Variants in SETDB2 observed in about 807,000 individuals in gnomAD.
The protein encoded by SETDB2 is histone-lysine N-methyltransferase SETDB2.
SETDB2 carries 56 observed loss-of-function variants against 82.5 expected under a neutral mutation model. The ratio of observed to expected loss-of-function variants is 0.68; its 90% confidence interval spans 0.55 to 0.85. SETDB2 has a LOEUF of 0.85. SETDB2 is among the 40% of genes least tolerant of loss of function. The pLI is 0.00. For missense variants in SETDB2, 677 were observed against 816.4 expected (o/e 0.83, Z 2.08); for synonymous variants, 272 against 284.9 (o/e 0.95, Z 0.46).
In SETDB2 at chr13:49,492,035, A is replaced by G; in HGVS notation, c.*186A>G. On this transcript the variant is annotated 3_prime_UTR_variant, in exon 14 of 14. Transcript: ENST00000611815. ...GAACACAATTAGGATATTTTCATACACATAGGGTATCTTGTTCACTGCTGT... is the reference window on the plus strand; with the variant it reads ...GAACACAATTAGGATATTTTCATACGCATAGGGTATCTTGTTCACTGCTGT... The G allele has an allele frequency of 1.6e-6, 1 of 638,492 alleles. No homozygotes were observed. The highest frequency in any genetic ancestry group is 2.8e-6 in the Non-Finnish European group (1 of 351,232). 39.6% of individuals were successfully genotyped at this position (638,492 alleles called of 1,614,324 possible). A position where few individuals can be genotyped will look rare whatever the true frequency, so the allele number is the denominator to read the frequency against.
intron 5 of SETDB2, among the ~76,000 whole-genome samples, 185 bp from the exon 6 acceptor site, chr13:49,476,291 C>T (rs1958359587): frequency 1.3e-5 from 2 of 152,102 alleles, no homozygotes; most frequent in South Asian, 4.1e-4. Context: ...AGGAAGACCC[C>T]ATCTCCGAGA....
Position 49,460,215 on chromosome 13 carries a change from G to A in SETDB2, c.125G>A (p.Gly42Glu). ...TCACTGAAACAAAAGATCAAAGATG[G>A]GTCTGCCACCAATAAAGGTATGAAG... The part of the protein sequence containing the change: ...LQSLKQKIKD[G>E]SATNKEYIQA... Residue 42 changes from glycine (G) to glutamate (E), a missense_variant, in exon 3 of 14, where the codon GGG becomes GAG. Coordinates refer to ENST00000611815, the MANE Select transcript of SETDB2 (RefSeq NM_001160308.3). The A allele has an allele frequency of 6.2e-7, 1 of 1,612,130 alleles. No individual in the cohort carries two copies. The highest frequency in any genetic ancestry group is 1.7e-5 in the Admixed American group (1 of 59,766).
chr13:49,488,209 G>A, intron 11 of SETDB2, 81 bp from the exon 12 acceptor site: 1 of 1,490,522 alleles, frequency 6.7e-7, no homozygotes, highest in East Asian at 2.3e-5. Context: ...AAAGCACCTA[G>A]CATCTAATTA....
intron 10 of SETDB2, among the ~76,000 whole-genome samples, chr13:49,484,776 G>C (rs1012120853): frequency 3.9e-5 from 6 of 152,190 alleles, no homozygotes; most frequent in Non-Finnish European, 5.9e-5. Flanking sequence ...TTGATGAAGA[G>C]TAAAAACTCT....
intron 1 of SETDB2, among the ~76,000 whole-genome samples, chr13:49,446,116 C>T (rs1957680084): frequency 6.6e-6 from 1 of 151,882 alleles, no homozygotes; most frequent in Non-Finnish European, 1.5e-5. Flanking sequence ...ATTGGTAGAA[C>T]CTTTCTGGAA....
intron 4 of SETDB2, among the ~76,000 whole-genome samples, chr13:49,466,781 C>A (rs1958122366): frequency 6.7e-6 from 1 of 149,984 alleles, no homozygotes; most frequent in Non-Finnish European, 1.5e-5. Flanking sequence ...ATAGCTAGAA[C>A]TACAGGCATG....
At chr13:49,472,488 A>G (rs1478757825) in intron 5 of SETDB2, among the ~76,000 whole-genome samples, 1 of 152,110 alleles carries the variant, frequency 6.6e-6, no homozygotes, top group Admixed American at 6.5e-5. Context: ...TCTCCTTCTC[A>G]CTACTTACTC....
chr13:49,461,397 C>T (rs189950546), intron 4 of SETDB2, among the ~76,000 whole-genome samples: 7 of 152,176 alleles, frequency 4.6e-5, no homozygotes, highest in East Asian at 1.9e-4. Context: ...AAATGTGTGT[C>T]GTCTTTGGGG....
chr13:49,465,628 C>T (rs1232974804), intron 4 of SETDB2, among the ~76,000 whole-genome samples: 1 of 151,982 alleles, frequency 6.6e-6, no homozygotes, highest in Non-Finnish European at 1.5e-5. Flanking sequence ...CTTCCGCCTC[C>T]CGGGTTCAAG....
chr13:49,491,392 C>A (rs930897113), intron 13 of SETDB2, among the ~76,000 whole-genome samples: 1 of 152,164 alleles, frequency 6.6e-6, no homozygotes, highest in Non-Finnish European at 1.5e-5. Context: ...CAGTTCCACT[C>A]GGGATAAATG....
In SETDB2 at chr13:49,488,578, A is replaced by G. The variant is rs1023911910; in HGVS notation, c.1865A>G (p.Asn622Ser). 24 of 1,609,962 alleles carry G rather than the reference A, an allele frequency of 1.5e-5. No individual in the cohort carries two copies. The highest frequency in any genetic ancestry group is 2.0e-5 in the Non-Finnish European group (23 of 1,178,548). The part of the protein sequence containing the change: ...SDSLTKFNKG[N>S]VFLLDATKEG... ...TCTCTAACAAAGTTCAATAAAGGGA[A>G]TGTGTTTTTATTGGATGCCACAAAA... The change falls in exon 12 of 14, where the codon AAT becomes AGT. Residue 622 changes from asparagine to serine, a missense_variant. By Grantham distance (46) the Asn-to-Ser change is conservative (BLOSUM62 1). This residue lies in a region of SETDB2 where 420 missense variants were observed against 554.6 expected (regional missense o/e 0.76). Transcript: ENST00000611815.
intron 6 of SETDB2, 96 bp downstream of exon 6, chr13:49,477,135 T>TGTTCAAGAGTTACA (rs1428933449): frequency 6.1e-6 from 7 of 1,156,286 alleles, no homozygotes; most frequent in Non-Finnish European, 8.3e-6. Flanking sequence ...ATCTAAAACC[T>TGTTCAAGAGTTACA]GTTCAAGAGT....
At chr13:49,473,485 ATGT>A (rs1054806561) in intron 5 of SETDB2, among the ~76,000 whole-genome samples, 14 of 146,256 alleles carry the variant, frequency 9.6e-5, no homozygotes, top group Non-Finnish European at 1.5e-4. Flanking sequence ...CAGGAGGCAG[ATGT>A]TGTGGGGAAC....
intron 1 of SETDB2, among the ~76,000 whole-genome samples, chr13:49,447,157 C>A (rs1957706375): frequency 6.6e-6 from 1 of 152,062 alleles, no homozygotes; most frequent in Non-Finnish European, 1.5e-5. Context: ...ATATGCATTT[C>A]TATAGTTTTT....
In SETDB2 at chr13:49,457,435, C is replaced by CTT. The variant is rs34354093; in HGVS notation, c.17-2655_17-2654dup. ...GTAGCATGTATTGGCATTTCTAAGA[C>CTT]TTTTTTTTTTTTTTTTTTGAAAGAG... On this transcript the variant is annotated intron_variant, in intron 2 of 13. Coordinates refer to ENST00000611815, the MANE Select transcript of SETDB2 (RefSeq NM_001160308.3). 8.7e-3 allele frequency among the ~76,000 whole-genome samples: 854 copies of CTT among 97,992 alleles called. 13 individuals are homozygous for CTT. Among genetic ancestry groups the CTT allele is most frequent in the Non-Finnish European group, 0.012 (626 of 50,820 alleles). 64.3% of individuals were successfully genotyped at this position (97,992 alleles called of 152,430 possible). A position where few individuals can be genotyped will look rare whatever the true frequency, so the allele number is the denominator to read the frequency against.
intron 10 of SETDB2, 119 bp downstream of exon 10, chr13:49,483,682 G>A (rs1031406674): frequency 4.5e-6 from 2 of 439,666 alleles, no homozygotes; most frequent in East Asian, 9.7e-5. Flanking sequence ...AGGCTGGAGT[G>A]TGGTGGCACA....
chr13:49,479,285 C>T (rs1017752583), intron 6 of SETDB2, among the ~76,000 whole-genome samples: 1 of 152,036 alleles, frequency 6.6e-6, no homozygotes, highest in Non-Finnish European at 1.5e-5. Flanking sequence ...GAGAACTAGA[C>T]AAAATGCTGA....
At chr13:49,457,871 A>G (rs1242584817) in intron 2 of SETDB2, among the ~76,000 whole-genome samples, 2 of 152,236 alleles carry the variant, frequency 1.3e-5, no homozygotes, top group Non-Finnish European at 2.9e-5. Context: ...CTATTTTTAA[A>G]TACTTCCAAA....
rs1010285686 is a variant in SETDB2, at chr13:49,492,950, T to A, written c.*1101T>A. On this transcript the variant is annotated 3_prime_UTR_variant, in exon 14 of 14. Coordinates refer to ENST00000611815, the MANE Select transcript of SETDB2 (RefSeq NM_001160308.3). ...TCCAGCCTGGGCAATAGAGCAAGAC[T>A]CTCTCTCAAAAAAAACAGCACACAC... is the stretch of plus-strand genomic sequence containing the variant. 8.3e-6 allele frequency: 1 copy of A among 120,192 alleles called. No homozygotes were observed. The highest frequency in any genetic ancestry group is 9.4e-5 in the Admixed American group (1 of 10,586). 7.4% of individuals were successfully genotyped at this position (120,192 alleles called of 1,614,324 possible). A position where few individuals can be genotyped will look rare whatever the true frequency, so the allele number is the denominator to read the frequency against.
Sources: gnomAD v4.1 joint callset for allele counts (sites outside exome capture counted in the v4.1 genomes callset) on GRCh38, gnomAD v4.1.1 for gene constraint, gnomAD v4.1.1 regional missense constraint, MANE v1.5 for transcripts, NCBI Gene and HGNC (gene_info 2026-07-23, HGNC 2026-07-21) for gene names.